The following TTC39B variants were observed in gnomAD, a reference collection of about 807,000 sequenced individuals.
The protein encoded by TTC39B is tetratricopeptide repeat domain 39B.
A neutral mutation model predicts 96.6 loss-of-function variants in TTC39B; 92 were observed. That is an observed-to-expected ratio of 0.95 (90% CI 0.80 to 1.13). The LOEUF (loss-of-function observed/expected upper bound fraction) is 1.13, where lower values mean the gene tolerates loss of function less well. Among genes scored for constraint, TTC39B ranks in the 50% most tolerant of loss-of-function variants. The pLI, the probability that TTC39B is intolerant of heterozygous loss-of-function variation, is 0.00. For synonymous variants in TTC39B, 367 were observed against 299.4 expected, an observed-to-expected ratio of 1.23 and a Z score of -2.33; for missense variants, 955 against 809.3, an observed-to-expected ratio of 1.18 and a Z score of -2.18.
At chr9:15,301,356 C>T (rs758958570) in intron 1 of TTC39B, among the ~76,000 whole-genome samples, 4 of 152,214 alleles carry the variant, frequency 2.6e-5, no homozygotes, top group African/African-American at 4.8e-5. Context: ...TTTTGCTTGA[C>T]GTTGTGCTCC....
At chr9:15,197,919 A>G (rs1819269964) in intron 8 of TTC39B, among the ~76,000 whole-genome samples, 1 of 152,240 alleles carries the variant, frequency 6.6e-6, no homozygotes, top group South Asian at 2.1e-4. Context: ...AAAAGTAAAA[A>G]GTAAATATAT....
intron 2 of TTC39B, among the ~76,000 whole-genome samples, chr9:15,245,795 C>A (rs139655570): frequency 4.5e-4 from 69 of 152,322 alleles, no homozygotes; most frequent in African/African-American, 1.4e-3. Flanking sequence ...TCACTAAAGA[C>A]TTTCCACATC....
At chr9:15,251,651 C>CTA (rs1412089546) in intron 2 of TTC39B, among the ~76,000 whole-genome samples, 18 of 144,000 alleles carry the variant, frequency 1.3e-4, no homozygotes, top group Admixed American at 8.6e-4. Flanking sequence ...TTCTTCCTCT[C>CTA]TATATATATA....
intron 1 of TTC39B, among the ~76,000 whole-genome samples, chr9:15,278,292 CCA>C (rs1331372656): frequency 6.6e-6 from 1 of 151,492 alleles, no homozygotes; most frequent in East Asian, 1.9e-4. Flanking sequence ...GGACATAACC[CCA>C]CAGAGAAATA....
At chr9:15,301,010 T>C (rs1324416873) in intron 1 of TTC39B, among the ~76,000 whole-genome samples, 1 of 152,078 alleles carries the variant, frequency 6.6e-6, no homozygotes, top group East Asian at 1.9e-4. Flanking sequence ...TCAGCCTTTT[T>C]GGTTTCTGCC....
Position 15,244,462 on chromosome 9 carries a change from C to A in TTC39B, c.276-18450G>T, listed in dbSNP as rs114573294. On this transcript the variant is annotated intron_variant, in intron 2 of 19. Transcript: ENST00000512701. ...CAAAAGCAAAGCAGCAATAACAACA[C>A]CTGCCCTATGTCCCTCCCAGAGATA... Among the ~76,000 whole-genome samples, 946 of 152,360 alleles carry A rather than the reference C, an allele frequency of 6.2e-3. 6 individuals are homozygous for A. The highest frequency in any genetic ancestry group is 0.022 in the African/African-American group (900 of 41,584).
rs73646011 is a variant in TTC39B at position 15,207,629 on chromosome 9, T to A, written c.691+2459A>T. On this transcript the variant is annotated intron_variant, in intron 6 of 19. Coordinates refer to ENST00000512701, the Ensembl canonical transcript of TTC39B. The stretch of plus-strand genomic sequence containing the variant: ...CCAAGTCTACAAAGAGGAGGTTAGA[T>A]TGGTTAATGTTAAGAAAAGCAACAA... Among the ~76,000 whole-genome samples the A allele has an allele frequency of 1.1e-3, 173 of 152,156 alleles. 1 individual carries two copies. The highest frequency in any genetic ancestry group is 4.0e-3 in the African/African-American group (165 of 41,524).
chr9:15,260,338 C>G (rs12004146), intron 2 of TTC39B, among the ~76,000 whole-genome samples: 2,217 of 150,426 alleles, frequency 0.015, 53 homozygotes, highest in African/African-American at 0.051. Flanking sequence ...CATCTTAGAT[C>G]CAATAAAATC....
intron 1 of TTC39B, among the ~76,000 whole-genome samples, chr9:15,274,751 G>A (rs1188357582): frequency 6.6e-6 from 1 of 151,660 alleles, no homozygotes; most frequent in Non-Finnish European, 1.5e-5. Flanking sequence ...TTCTTAATTT[G>A]TCCAGGTTTG....
At chr9:15,211,318 C>T (rs749506980) in exon 5 of TTC39B, 3 of 1,593,736 alleles carry the variant, frequency 1.9e-6, no homozygotes, top group South Asian at 1.1e-5. Flanking sequence ...TTCTGGATGT[C>T]CTGTTGCTCG....
At position 15,203,419 on chromosome 9, in the gene TTC39B, T is replaced by C. The variant is rs1011379438; in HGVS notation, c.759+404A>G. On this transcript the variant is annotated intron_variant, in intron 7 of 19. Coordinates refer to ENST00000512701, the Ensembl canonical transcript of TTC39B. ...GCGCCCGCCACCATGCCTGGCTAATTTTTTTTTTTTTTTGTATTTTCAGTA... is the reference window on the plus strand; with the variant it reads ...GCGCCCGCCACCATGCCTGGCTAATCTTTTTTTTTTTTTGTATTTTCAGTA... 7.6e-3 allele frequency among the ~76,000 whole-genome samples: 1,000 copies of C among 132,376 alleles called. 18 individuals carry two copies. The highest frequency in any genetic ancestry group is 0.034 in the African/African-American group (927 of 27,166). 86.8% of individuals were successfully genotyped at this position (132,376 alleles called of 152,430 possible). A position where few individuals can be genotyped will look rare whatever the true frequency, so the allele number is the denominator to read the frequency against.
intron 19 of TTC39B, among the ~76,000 whole-genome samples, chr9:15,173,224 A>T (rs1471194664): frequency 6.6e-6 from 1 of 152,190 alleles, no homozygotes; most frequent in Non-Finnish European, 1.5e-5. Flanking sequence ...ATTTGAAGAT[A>T]TCTATATCTA....
chr9:15,295,141 C>A (rs1198278026), intron 1 of TTC39B, among the ~76,000 whole-genome samples: 3 of 152,102 alleles, frequency 2.0e-5, no homozygotes, highest in Non-Finnish European at 2.9e-5. Flanking sequence ...AACTTAAACA[C>A]CCCAGAAGGT....
intron 2 of TTC39B, chr9:15,250,307 A>G (rs888995533): frequency 5.4e-6 from 4 of 742,610 alleles, no homozygotes; most frequent in Admixed American, 6.3e-5. Flanking sequence ...CTAGAGAAAC[A>G]GGCAAGGAAC....
exon 20 of TTC39B, chr9:15,167,028 A>ATATATTTTTTTTTT (rs1554758710): frequency 1.8e-4 from 2 of 11,022 alleles, no homozygotes; most frequent in African/African-American, 5.7e-4. Flanking sequence ...ATATATATAT[A>ATATATTTTTTTTTT]TTTTTTTTTT....
At chr9:15,166,137 G>T (rs774998531) in exon 20 of TTC39B, 1 of 152,102 alleles carries the variant, frequency 6.6e-6, no homozygotes, top group South Asian at 2.1e-4. Flanking sequence ...TAAAAACTAT[G>T]GCATTAATAT....
intron 2 of TTC39B, among the ~76,000 whole-genome samples, chr9:15,250,504 A>C (rs1303776793): frequency 6.6e-6 from 1 of 152,190 alleles, no homozygotes; most frequent in Non-Finnish European, 1.5e-5. Flanking sequence ...ATGGACTTTA[A>C]AAAAATACTA....
intron 2 of TTC39B, among the ~76,000 whole-genome samples, chr9:15,261,341 T>C (rs1318838545): frequency 6.6e-6 from 1 of 151,954 alleles, no homozygotes; most frequent in Non-Finnish European, 1.5e-5. Flanking sequence ...CCAGGCGTGA[T>C]GGCACCTGCC....
rs150833783 is a variant in TTC39B at position 15,218,562 on chromosome 9, G to A, written c.372-4313C>T. Among the ~76,000 whole-genome samples, 1,004 of 151,288 alleles carry A rather than the reference G, an allele frequency of 6.6e-3. 10 individuals carry two copies. Among genetic ancestry groups the A allele is most frequent in the African/African-American group, 0.023 (946 of 41,096 alleles). On this transcript the variant is annotated intron_variant, in intron 3 of 19. Transcript: ENST00000512701. ...CTTCATAATATATATCTTCAGTGAG[G>A]TGACGACTCCTCATGTTTCTAATTT...
Sources: gnomAD v4.1 joint callset for allele counts (sites outside exome capture counted in the v4.1 genomes callset) on GRCh38, gnomAD v4.1.1 for gene constraint, MANE v1.5 for transcripts, NCBI Gene and HGNC (gene_info 2026-07-23, HGNC 2026-07-21) for gene names.